Variants in LNX2 observed in about 807,000 individuals in gnomAD.
LNX2 encodes the protein ligand of numb-protein X 2.
LNX2 carries 35 observed loss-of-function variants against 66.2 expected under a neutral mutation model. The ratio of observed to expected loss-of-function variants is 0.53; its 90% confidence interval spans 0.40 to 0.70. LNX2 has a LOEUF of 0.70. Ranked by LOEUF, LNX2 falls within the 30% of genes least tolerant of loss-of-function variation. The probability of loss-of-function intolerance (pLI) is 0.00; values close to 1 mark genes in which losing one functional copy is unlikely to be tolerated. For missense variants in LNX2, 791 were observed against 850.8 expected (o/e 0.93, Z 0.87); for synonymous variants, 337 against 315.6 (o/e 1.07, Z -0.72).
chr13:27,573,924 G>GAA (rs58411252), intron 2 of LNX2, among the ~76,000 whole-genome samples: 1,329 of 131,392 alleles, frequency 0.01, 20 homozygotes, highest in African/African-American at 0.035. Context: ...CCATTCACAG[G>GAA]AAAAAAAAAA....
rs572414253 is a variant in LNX2, at chr13:27,613,659, T to C, written c.-101+6716A>G. Among the ~76,000 whole-genome samples the C allele has an allele frequency of 3.3e-5, 5 of 151,964 alleles. No individual in the cohort carries two copies. The South Asian group carries it at 1.0e-3, about 32-fold the overall frequency. ...GGCGGGTGCTTGTAATCCCAGCTAT[T>C]GGGGAGGCTGAGGCAGGAGAATCAC... is the stretch of plus-strand genomic sequence containing the variant. On this transcript the variant is annotated intron_variant, in intron 1 of 9. Transcript: ENST00000316334.
At chr13:27,551,413 C>T (rs1289819364) in intron 8 of LNX2, among the ~76,000 whole-genome samples, 2 of 151,710 alleles carry the variant, frequency 1.3e-5, no homozygotes, top group African/African-American at 4.8e-5. Flanking sequence ...AAAAAATGTA[C>T]TTATGTTTCC....
chr13:27,589,665 G>T (rs1955527605), intron 1 of LNX2, among the ~76,000 whole-genome samples: 1 of 151,962 alleles, frequency 6.6e-6, no homozygotes, highest in South Asian at 2.1e-4. Flanking sequence ...ACCAAACTGG[G>T]TTACCTGCCT....
chr13:27,557,842 A>G (rs1393585751), intron 6 of LNX2, among the ~76,000 whole-genome samples: 1 of 152,090 alleles, frequency 6.6e-6, no homozygotes, highest in Non-Finnish European at 1.5e-5. Flanking sequence ...TCCTATCTAA[A>G]GGTATGAAAT....
intron 4 of LNX2, among the ~76,000 whole-genome samples, chr13:27,566,420 GA>G (rs1955206678): frequency 6.6e-6 from 1 of 152,196 alleles, no homozygotes. Context: ...ATAGTGCCTA[GA>G]ATGTTGTGAG....
At chr13:27,570,641 T>G (rs1251058758) in intron 2 of LNX2, among the ~76,000 whole-genome samples, 1 of 152,184 alleles carries the variant, frequency 6.6e-6, no homozygotes, top group Non-Finnish European at 1.5e-5. Flanking sequence ...ATTACTTTTG[T>G]CAAGTAAGCA....
At chr13:27,603,753 CA>C (rs1488039671) in intron 1 of LNX2, among the ~76,000 whole-genome samples, 1 of 152,008 alleles carries the variant, frequency 6.6e-6, no homozygotes, top group East Asian at 1.9e-4. Context: ...CAATGGGGCA[CA>C]AAATTTTAAG....
chr13:27,586,818 GGAA>G (rs1373846528), intron 1 of LNX2, among the ~76,000 whole-genome samples: 1 of 152,144 alleles, frequency 6.6e-6, no homozygotes. Context: ...GTAAAGAGAA[GGAA>G]GCTGTTAGCT....
chr13:27,581,884 G>A, intron 1 of LNX2, 81 bp from the exon 2 acceptor site: 1 of 397,026 alleles, frequency 2.5e-6, no homozygotes, highest in Admixed American at 4.5e-5. Context: ...TAATATTACT[G>A]GTTAGCTTTT....
intron 1 of LNX2, among the ~76,000 whole-genome samples, chr13:27,618,841 G>A (rs375197514): frequency 2.6e-4 from 40 of 152,296 alleles, no homozygotes; most frequent in African/African-American, 9.6e-4. Context: ...CGTGCTACGT[G>A]CCTACAATGT....
At position 27,548,309 on chromosome 13, in the gene LNX2, C is replaced by A. The variant is rs1240988447; in HGVS notation, c.*26G>T. ...TTCAAAAATCTAAAAAAGGAAGATG[C>A]AAGATTTGAAACCAATTTCCAAAAT... On this transcript the variant is annotated 3_prime_UTR_variant, in exon 10 of 10. Coordinates refer to ENST00000316334, the MANE Select transcript of LNX2 (RefSeq NM_153371.4). The A allele has an allele frequency of 1.9e-6, 3 of 1,594,344 alleles. No homozygotes were observed. The highest frequency in any genetic ancestry group is 2.6e-6 in the Non-Finnish European group (3 of 1,170,470).
chr13:27,606,996 T>C (rs1167848459), intron 1 of LNX2, among the ~76,000 whole-genome samples: 3 of 152,206 alleles, frequency 2.0e-5, no homozygotes, highest in Non-Finnish European at 4.4e-5. Flanking sequence ...TTCATTTCTG[T>C]TTCAAAAGTA....
intron 1 of LNX2, among the ~76,000 whole-genome samples, chr13:27,616,370 T>C (rs1452313405): frequency 6.6e-6 from 1 of 152,126 alleles, no homozygotes; most frequent in African/African-American, 2.4e-5. Flanking sequence ...TAGGCTTCGA[T>C]AGGTGGTAGT....
chr13:27,566,668 T>A (rs900633716), intron 4 of LNX2, among the ~76,000 whole-genome samples: 4 of 151,902 alleles, frequency 2.6e-5, no homozygotes, highest in African/African-American at 9.7e-5. Context: ...AAATTAGATA[T>A]GAAGAAGAGA....
intron 2 of LNX2, 76 bp from the exon 3 acceptor site, chr13:27,569,352 T>C (rs1318310920): frequency 1.5e-5 from 22 of 1,484,150 alleles, no homozygotes; most frequent in Admixed American, 1.9e-5. Flanking sequence ...GGGGGACTAA[T>C]AGCTTCTACA....
intron 2 of LNX2, among the ~76,000 whole-genome samples, chr13:27,580,723 A>G (rs1158321594): frequency 6.6e-6 from 1 of 152,198 alleles, no homozygotes; most frequent in Non-Finnish European, 1.5e-5. Context: ...ACAAGATCTT[A>G]GCAAATAAAA....
At chr13:27,577,060 C>G (rs1955347970) in intron 2 of LNX2, among the ~76,000 whole-genome samples, 1 of 151,986 alleles carries the variant, frequency 6.6e-6, no homozygotes, top group African/African-American at 2.4e-5. Context: ...GTCTAGTATC[C>G]AGAATACATA....
At chr13:27,564,280 G>A (rs1486813429) in intron 4 of LNX2, among the ~76,000 whole-genome samples, 1 of 152,128 alleles carries the variant, frequency 6.6e-6, no homozygotes, top group East Asian at 1.9e-4. Flanking sequence ...GAAATTCAGA[G>A]AAAGCAGAAA....
intron 1 of LNX2, among the ~76,000 whole-genome samples, chr13:27,582,080 AGTGCAGTG>A (rs1955405058): frequency 6.6e-6 from 1 of 152,136 alleles, no homozygotes; most frequent in Admixed American, 6.5e-5. Context: ...CCCAGGCTGG[AGTGCAGTG>A]GTGCAATCTC....
Sources: gnomAD v4.1 joint callset for allele counts (sites outside exome capture counted in the v4.1 genomes callset) on GRCh38, gnomAD v4.1.1 for gene constraint, MANE v1.5 for transcripts, NCBI Gene and HGNC (gene_info 2026-07-23, HGNC 2026-07-21) for gene names.